NELL1: variants seen among roughly 807,000 people sequenced by gnomAD.
NELL1 encodes the protein protein kinase C-binding protein NELL1.
In NELL1, 76 loss-of-function variants were observed where a neutral mutation model predicts 107.4. The ratio of observed to expected loss-of-function variants is 0.71; its 90% CI spans 0.59 to 0.86. The LOEUF is 0.86. NELL1 is among the 40% of genes least tolerant of loss of function. The pLI is 0.00. For synonymous variants in NELL1, 353 were observed against 341.2 expected, an observed-to-expected ratio of 1.03 and a Z score of -0.38; for missense variants, 1,024 against 1,005.5, an observed-to-expected ratio of 1.02 and a Z score of -0.25.
At chr11:21,006,827 C>G (rs1056201539) in intron 12 of NELL1, among the ~76,000 whole-genome samples, 1 of 152,030 alleles carries the variant, frequency 6.6e-6, no homozygotes, top group Non-Finnish European at 1.5e-5. Flanking sequence ...TCTGACAACC[C>G]CACAGGGAAG....
chr11:21,058,919 C>T (rs1853672386), intron 12 of NELL1, among the ~76,000 whole-genome samples: 2 of 152,020 alleles, frequency 1.3e-5, no homozygotes, highest in Non-Finnish European at 2.9e-5. Flanking sequence ...GTGTCAAGTT[C>T]CAGGATGAGA....
intron 14 of NELL1, among the ~76,000 whole-genome samples, chr11:21,347,161 A>G (rs1850700724): frequency 6.6e-6 from 1 of 152,170 alleles, no homozygotes; most frequent in Admixed American, 6.5e-5. Flanking sequence ...CATGCAAGGC[A>G]TTTCCGAGGA....
chr11:20,697,664 A>G (rs1225630426), intron 2 of NELL1, among the ~76,000 whole-genome samples: 1 of 152,114 alleles, frequency 6.6e-6, no homozygotes, highest in Non-Finnish European at 1.5e-5. Flanking sequence ...AAGGGCAAAT[A>G]TGACCTCTGG....
chr11:20,703,490 T>C (rs1421182911), intron 2 of NELL1, among the ~76,000 whole-genome samples: 5 of 152,220 alleles, frequency 3.3e-5, no homozygotes, highest in African/African-American at 1.2e-4. Context: ...TTTTCTTTTG[T>C]GTCTCTATCT....
chr11:20,970,294 G>A (rs1851473217), intron 12 of NELL1, among the ~76,000 whole-genome samples: 1 of 152,096 alleles, frequency 6.6e-6, no homozygotes, highest in Admixed American at 6.6e-5. Flanking sequence ...GCAGCCCTAC[G>A]AAAGGCATAA....
rs534507889 is a variant in NELL1 at position 21,557,830 on chromosome 11, T to C, written c.1787-2359T>C. On this transcript the variant is annotated intron_variant, in intron 16 of 19. Transcript: ENST00000357134. The stretch of plus-strand genomic sequence containing the variant: ...TAGGCATTATAATAGTCTCAGTCTG[T>C]GGATTTCCTAAGAAAGTTAAATGGA... Among the ~76,000 whole-genome samples the C allele has an allele frequency of 3.3e-5, 5 of 152,114 alleles. No homozygotes were observed. The South Asian group carries it at 1.0e-3, about 32-fold the overall frequency.
intron 12 of NELL1, among the ~76,000 whole-genome samples, chr11:21,088,585 C>T (rs1365292791): frequency 1.3e-5 from 2 of 152,120 alleles, no homozygotes; most frequent in Admixed American, 6.5e-5. Context: ...TTTTTCTTAA[C>T]TTTACACACC....
chr11:21,553,081 T>C (rs1399716799), intron 16 of NELL1, among the ~76,000 whole-genome samples: 1 of 151,884 alleles, frequency 6.6e-6, no homozygotes, highest in Non-Finnish European at 1.5e-5. Context: ...CTGTGTAAAT[T>C]GCAGAATGCT....
chr11:20,863,414 C>T (rs969406664), intron 4 of NELL1, among the ~76,000 whole-genome samples: 1 of 95,502 alleles, frequency 1.0e-5, no homozygotes, highest in African/African-American at 2.9e-5. Flanking sequence ...CGGAGACGCT[C>T]CTCACTTCCC....
At chr11:21,414,648 T>G (rs914312210) in intron 15 of NELL1, among the ~76,000 whole-genome samples, 1 of 152,094 alleles carries the variant, frequency 6.6e-6, no homozygotes, top group African/African-American at 2.4e-5. Flanking sequence ...TGTTCATAAT[T>G]ATAAAATATA....
intron 4 of NELL1, among the ~76,000 whole-genome samples, chr11:20,872,421 T>A (rs570355109): frequency 2.6e-5 from 4 of 152,124 alleles, no homozygotes; most frequent in African/African-American, 9.7e-5. Flanking sequence ...GCTCAAGTGA[T>A]CTGCCCACCT....
intron 5 of NELL1, among the ~76,000 whole-genome samples, chr11:20,903,074 T>TGG (rs1849913436): frequency 6.6e-6 from 1 of 152,106 alleles, no homozygotes; most frequent in Non-Finnish European, 1.5e-5. Context: ...GTTTGCTATA[T>TGG]GTTGTTTTGT....
intron 15 of NELL1, among the ~76,000 whole-genome samples, chr11:21,410,262 A>G (rs554256683): frequency 1.5e-4 from 23 of 152,186 alleles, no homozygotes; most frequent in Admixed American, 1.4e-3. Flanking sequence ...TCAAGTATTC[A>G]CTACCTGTGC....
At position 21,062,417 on chromosome 11, in the gene NELL1, C is replaced by T. The variant is rs549159504; in HGVS notation, c.1301-51172C>T. ...TATGAGAAGACTAGAAGCTTCCATT[C>T]TCCCTTAGATCTAAGCCACAGTTGT... On this transcript the variant is annotated intron_variant, in intron 12 of 19. Coordinates refer to ENST00000357134, the MANE Select transcript of NELL1 (RefSeq NM_006157.5). Among the ~76,000 whole-genome samples the T allele has an allele frequency of 5.3e-5, 8 of 152,274 alleles. No individual in the cohort carries two copies. The South Asian group carries it at 6.2e-4, about 12-fold the overall frequency.
At position 21,351,445 on chromosome 11, in the gene NELL1, G is replaced by T. The variant is rs974860027; in HGVS notation, c.1550-19408G>T. Among the ~76,000 whole-genome samples, 5 of 151,056 alleles carry T rather than the reference G, an allele frequency of 3.3e-5. No homozygotes were observed. In the South Asian group the frequency reaches 6.3e-4, roughly 19 times the overall value. On this transcript the variant is annotated intron_variant, in intron 14 of 19. Transcript: ENST00000357134. Reference sequence around the variant, plus strand: ...GCTGAGATTTGCAGGTCAAGTGAGAGTTACCTGATTTACTAATGGGAAAAA... The same window carrying T: ...GCTGAGATTTGCAGGTCAAGTGAGATTTACCTGATTTACTAATGGGAAAAA...
chr11:21,137,643 A>G (rs1420028487), intron 13 of NELL1, among the ~76,000 whole-genome samples: 2 of 152,230 alleles, frequency 1.3e-5, no homozygotes, highest in Admixed American at 6.5e-5. Context: ...CCTCAGGCCA[A>G]CTGTTAGGAT....
chr11:20,999,770 T>TA (rs1309172389), intron 12 of NELL1, among the ~76,000 whole-genome samples: 4 of 151,438 alleles, frequency 2.6e-5, no homozygotes, highest in Non-Finnish European at 4.4e-5. Flanking sequence ...CTTTAAAAGG[T>TA]ATGGACTTCT....
intron 15 of NELL1, among the ~76,000 whole-genome samples, chr11:21,456,892 G>T (rs991605050): frequency 2.5e-4 from 4 of 16,274 alleles, no homozygotes; most frequent in South Asian, 7.5e-3. Flanking sequence ...TATAAATGAG[G>T]TGTTTTTTTT....
intron 16 of NELL1, among the ~76,000 whole-genome samples, chr11:21,544,285 G>T (rs925527459): frequency 1.4e-4 from 21 of 152,086 alleles, no homozygotes; most frequent in African/African-American, 5.1e-4. Flanking sequence ...AAGCTAGGTG[G>T]TAGGTAGGAT....
Sources: allele counts gnomAD v4.1 joint callset (sites outside exome capture counted in the v4.1 genomes callset), GRCh38; gene constraint gnomAD v4.1.1; transcripts MANE v1.5; gene names NCBI Gene and HGNC (gene_info 2026-07-23, HGNC 2026-07-21).